Variants in DNMT3A observed in about 807,000 individuals in gnomAD.
DNMT3A encodes DNA methyltransferase 3 alpha.
A neutral mutation model predicts 117.6 loss-of-function variants in DNMT3A; 267 were observed. The ratio of observed to expected loss-of-function variants is 2.27; its 90% CI spans 2.05 to 2.51. DNMT3A has a LOEUF of 2.51. Among genes scored for constraint, DNMT3A ranks in the 30% most tolerant of loss-of-function variants. The pLI is 0.00. For missense variants in DNMT3A, 1,029 were observed against 1,260.2 expected, an observed-to-expected ratio of 0.82 and a Z score of 2.78; for synonymous variants, 432 against 474.8, an observed-to-expected ratio of 0.91 and a Z score of 1.17.
rs2034267466 is a variant in DNMT3A, at chr2:25,314,150, C to T, written c.-166G>A. 3.5e-6 allele frequency: 5 copies of T among 1,423,658 alleles called. No individual in the cohort carries two copies. The highest frequency in any genetic ancestry group is 3.0e-5 in the Admixed American group (1 of 33,728). The allele number at this position is 1,423,658 out of a possible 1,614,324, so 88.2% of individuals were successfully genotyped here. Reference sequence around the variant, plus strand: ...TCTGTCAGCCTGTGGGTGGGGGCTTCGATGGCTCCACCTGTGGGGGAGAGA... The same window carrying T: ...TCTGTCAGCCTGTGGGTGGGGGCTTTGATGGCTCCACCTGTGGGGGAGAGA... On this transcript the variant is annotated 5_prime_UTR_variant, in exon 2 of 23. Coordinates refer to ENST00000321117, the MANE Select transcript of DNMT3A (RefSeq NM_022552.5).
At chr2:25,263,693 C>G (rs1346580390) in intron 6 of DNMT3A, among the ~76,000 whole-genome samples, 3 of 152,116 alleles carry the variant, frequency 2.0e-5, no homozygotes, top group South Asian at 4.1e-4. Context: ...GCTTTGTCAG[C>G]CCCATAGACA....
chr2:25,287,159 C>T (rs901502806), intron 3 of DNMT3A, among the ~76,000 whole-genome samples: 1 of 152,100 alleles, frequency 6.6e-6, no homozygotes, highest in African/African-American at 2.4e-5. Context: ...GAAAGAGACA[C>T]AGCACACCCC....
rs1355927798 is a variant in DNMT3A at position 25,244,566 on chromosome 2, G to A, written c.1641C>T (p.Leu547=). Reference sequence around the variant, plus strand: ...TGCAGCAGTTGTTGTTTCCGCACATGAGCACCTCACGGCCCCCACAGCAGA... The same window carrying A: ...TGCAGCAGTTGTTGTTTCCGCACATAAGCACCTCACGGCCCCCACAGCAGA... ...CTICCGGREV[L]MCGNNNCCRC... is the part of the protein sequence containing the mutation. Residue 547 remains leucine, a synonymous_variant, in exon 14 of 23, where the codon CTC becomes CTT. Coordinates refer to ENST00000321117, the MANE Select transcript of DNMT3A (RefSeq NM_022552.5). 1.2e-6 allele frequency: 2 copies of A among 1,614,190 alleles called. No homozygotes were observed. Among genetic ancestry groups the A allele is most frequent in the Admixed American group, 1.7e-5 (1 of 60,026 alleles).
Position 25,246,184 on chromosome 2 carries a change from C to A in DNMT3A, c.1405G>T (p.Glu469Ter), listed in dbSNP as rs765389013. The A allele has an allele frequency of 1.9e-6, 3 of 1,614,120 alleles. No individual in the cohort carries two copies. The highest frequency in any genetic ancestry group is 2.2e-5 in the East Asian group (1 of 44,880). The part of the protein sequence containing the change: ...KSTAEKPKVK[E>*]IIDERTRERL... ...CCTCTTGTGCGCTCATCAATAATCT[C>A]CTTGACCTTGGGCTTCTCCGCTGTG... Residue 469 changes from glutamate to a stop codon, truncating the protein, a stop_gained, in exon 11 of 23, where the codon GAG becomes TAG. Coordinates refer to ENST00000321117, the MANE Select transcript of DNMT3A (RefSeq NM_022552.5). LOFTEE classifies it high-confidence loss of function.
rs1381292311 is a variant in DNMT3A at position 25,311,937 on chromosome 2, T to C, written c.72+1976A>G. On this transcript the variant is annotated intron_variant, in intron 2 of 22. Coordinates refer to ENST00000321117, the MANE Select transcript of DNMT3A (RefSeq NM_022552.5). This position sits in a 1 kb window ranked among gnomAD's most constrained non-coding sequence, Gnocchi z 5.2. ...GCAGATCCTGACCTGCTCCCGTCCATTGGTGGTGGCCTGGGGCTCCGCAGC... is the reference window on the plus strand; with the variant it reads ...GCAGATCCTGACCTGCTCCCGTCCACTGGTGGTGGCCTGGGGCTCCGCAGC... 1.3e-5 allele frequency among the ~76,000 whole-genome samples: 2 copies of C among 152,046 alleles called. No individual in the cohort carries two copies. Among genetic ancestry groups the C allele is most frequent in the Admixed American group, 6.5e-5 (1 of 15,278 alleles).
Position 25,248,272 on chromosome 2 carries a change from A to G in DNMT3A, c.640-20T>C, listed in dbSNP as rs1489149530. 1.2e-6 allele frequency: 2 copies of G among 1,611,140 alleles called. No homozygotes were observed. Among genetic ancestry groups the G allele is most frequent in the Admixed American group, 1.7e-5 (1 of 59,172 alleles). ...CTCAGCCTGGGGAAACAAAAAACAA[A>G]AAGTCACCTTGACCTCTCCAGGAAT... is the stretch of plus-strand genomic sequence containing the variant. On this transcript the variant is annotated intron_variant, in intron 6 of 22. Coordinates refer to ENST00000321117, the MANE Select transcript of DNMT3A (RefSeq NM_022552.5).
Position 25,244,311 on chromosome 2 carries a change from G to A in DNMT3A, c.1695C>T (p.Leu565=), listed in dbSNP as rs1558665579. 6.2e-7 allele frequency: 1 copy of A among 1,610,426 alleles called. No homozygotes were observed. Among genetic ancestry groups the A allele is most frequent in the Non-Finnish European group, 8.5e-7 (1 of 1,178,604 alleles). The change falls in exon 15 of 23, where the codon CTC becomes CTT. Residue 565 remains leucine (L), a synonymous_variant. Transcript: ENST00000321117. ...CRCFCVECVD[L]LVGPGAAQAA... ...CCTGGGCAGCCCCCGGCCCCACCAA[G>A]AGGTCCACACACTCCACGCAAAAGC...
Position 25,337,008 on chromosome 2 carries a change from C to G in DNMT3A, c.-178+4818G>C, listed in dbSNP as rs146185484. ...TTAGCTGGGCGCATCCTAAACACACCGTGTCCCCTCAAAGCCAGCACAGGG... is the reference window on the plus strand; with the variant it reads ...TTAGCTGGGCGCATCCTAAACACACGGTGTCCCCTCAAAGCCAGCACAGGG... On this transcript the variant is annotated intron_variant, in intron 1 of 22. Coordinates refer to ENST00000321117, the MANE Select transcript of DNMT3A (RefSeq NM_022552.5). This position sits in a 1 kb window ranked among gnomAD's most constrained non-coding sequence, Gnocchi z 5.0. Among the ~76,000 whole-genome samples, 1 of 152,154 alleles carries G rather than the reference C, an allele frequency of 6.6e-6. No homozygotes were observed. The highest frequency in any genetic ancestry group is 6.5e-5 in the Admixed American group (1 of 15,280).
rs1032631579 is a variant in DNMT3A at position 25,313,253 on chromosome 2, G to A, written c.72+660C>T. Reference sequence around the variant, plus strand: ...GCACAACCTGGAGTTCAGCAGAAGGGTGGAGAGGCCACCCCCAACTAGATT... The same window carrying A: ...GCACAACCTGGAGTTCAGCAGAAGGATGGAGAGGCCACCCCCAACTAGATT... On this transcript the variant is annotated intron_variant, in intron 2 of 22. Coordinates refer to ENST00000321117, the MANE Select transcript of DNMT3A (RefSeq NM_022552.5). Among the ~76,000 whole-genome samples, 11 of 152,154 alleles carry A rather than the reference G, an allele frequency of 7.2e-5. No individual in the cohort carries two copies. In the East Asian group the frequency reaches 2.1e-3, roughly 29 times the overall value.
chr2:25,242,283 T>C (rs1180563514), intron 16 of DNMT3A, among the ~76,000 whole-genome samples: 2 of 151,980 alleles, frequency 1.3e-5, no homozygotes, highest in Non-Finnish European at 2.9e-5. Context: ...AGAGGAGGCC[T>C]CCTTCATTGT....
intron 6 of DNMT3A, among the ~76,000 whole-genome samples, chr2:25,268,880 C>T (rs1252323311): frequency 6.6e-6 from 1 of 152,238 alleles, no homozygotes; most frequent in African/African-American, 2.4e-5. Flanking sequence ...ATTCACCTAC[C>T]TCCCAACTGC....
chr2:25,247,023 C>T lies in DNMT3A; in HGVS notation c.1122+28G>A. 2 of 1,606,044 alleles carry T rather than the reference C, an allele frequency of 1.2e-6. No homozygotes were observed. The highest frequency in any genetic ancestry group is 1.7e-6 in the Non-Finnish European group (2 of 1,175,960). On this transcript the variant is annotated intron_variant, in intron 9 of 22. Coordinates refer to ENST00000321117, the MANE Select transcript of DNMT3A (RefSeq NM_022552.5). This position sits in a 1 kb window ranked among gnomAD's most constrained non-coding sequence, Gnocchi z 5.6. The stretch of plus-strand genomic sequence containing the variant: ...AGGCCTCCTAGTGCTCTAGGCTCCT[C>T]CTCCGAGCTCCCAGCAGGGACACTC...
At position 25,231,368 on chromosome 2, in the gene DNMT3A, G is replaced by C. The variant is rs1180571088; in HGVS notation, c.*2911C>G. The C allele has an allele frequency of 6.6e-6, 1 of 152,250 alleles. No homozygotes were observed. The highest frequency in any genetic ancestry group is 1.5e-5 in the Non-Finnish European group (1 of 68,090). The allele number at this position is 152,250 out of a possible 1,614,324, so 9.4% of individuals were successfully genotyped here. ...CAGCAGCCCAGTCACCACCTGTCAA[G>C]AGGTGACAGGAAGCAACTGGGCATG... is the stretch of plus-strand genomic sequence containing the variant. On this transcript the variant is annotated 3_prime_UTR_variant, in exon 23 of 23. Coordinates refer to ENST00000321117, the MANE Select transcript of DNMT3A (RefSeq NM_022552.5).
Position 25,247,838 on chromosome 2 carries a change from C to A in DNMT3A, c.856-89G>T. ...CCATGGCAACCCCAGCCCTGGGCATCTGGGGGGCAGGACAGCCAGGAGGGA... is the reference window on the plus strand; with the variant it reads ...CCATGGCAACCCCAGCCCTGGGCATATGGGGGGCAGGACAGCCAGGAGGGA... On this transcript the variant is annotated intron_variant, in intron 7 of 22. Transcript: ENST00000321117. This position sits in a 1 kb window ranked among gnomAD's most constrained non-coding sequence, Gnocchi z 5.6. 6.4e-7 allele frequency: 1 copy of A among 1,563,278 alleles called. No individual in the cohort carries two copies. Among genetic ancestry groups the A allele is most frequent in the Non-Finnish European group, 8.6e-7 (1 of 1,159,394 alleles).
rs1465563902 is a variant in DNMT3A, at chr2:25,296,171, T to G, written c.177+3968A>C. 1.3e-5 allele frequency among the ~76,000 whole-genome samples: 2 copies of G among 152,114 alleles called. No homozygotes were observed. The highest frequency in any genetic ancestry group is 6.5e-5 in the Admixed American group (1 of 15,268). Reference sequence around the variant, plus strand: ...ACTGCAGTCCCATGTGTGTGATCGGTGGGCTTGGAACTTGTCTTTATCAGT... The same window carrying G: ...ACTGCAGTCCCATGTGTGTGATCGGGGGGCTTGGAACTTGTCTTTATCAGT... On this transcript the variant is annotated intron_variant, in intron 3 of 22. Transcript: ENST00000321117. This position sits in a 1 kb window ranked among gnomAD's most constrained non-coding sequence, Gnocchi z 4.2.
intron 6 of DNMT3A, among the ~76,000 whole-genome samples, chr2:25,260,851 G>A (rs973141188): frequency 1.3e-5 from 2 of 152,166 alleles, no homozygotes; most frequent in African/African-American, 4.8e-5. Flanking sequence ...GCTCCACAGA[G>A]GGCATGGTGG....
intron 2 of DNMT3A, among the ~76,000 whole-genome samples, chr2:25,300,707 AATATAATAT>A (rs1185109446): frequency 1.2e-4 from 7 of 57,860 alleles, no homozygotes; most frequent in African/African-American, 2.8e-4. Flanking sequence ...ATATCTAAAT[AATATAATAT>A]ATATATATAT....
intron 1 of DNMT3A, among the ~76,000 whole-genome samples, chr2:25,320,229 A>G (rs959020671): frequency 2.6e-5 from 4 of 152,250 alleles, no homozygotes; most frequent in Admixed American, 2.0e-4. Context: ...GTCACAGAGC[A>G]TCAGCTACAA....
chr2:25,266,306 G>C (rs776659296), intron 6 of DNMT3A, among the ~76,000 whole-genome samples: 1 of 152,190 alleles, frequency 6.6e-6, no homozygotes, highest in Admixed American at 6.5e-5. Flanking sequence ...GCTGCAAAAG[G>C]TCAGGTAGGG....
Sources: allele counts gnomAD v4.1 joint callset (sites outside exome capture counted in the v4.1 genomes callset), GRCh38; gene constraint gnomAD v4.1.1; non-coding constraint Gnocchi (gnomAD v3.1); transcripts MANE v1.5; gene names NCBI Gene and HGNC (gene_info 2026-07-23, HGNC 2026-07-21).